PLCB4: variants seen among roughly 807,000 people sequenced by gnomAD.
PLCB4 encodes the protein 1-phosphatidylinositol 4,5-bisphosphate phosphodiesterase beta-4.
PLCB4 carries 77 observed loss-of-function variants against 178.8 expected under a neutral mutation model. The observed-to-expected ratio is 0.43, with a 90% CI of 0.36 to 0.52. The LOEUF (loss-of-function observed/expected upper bound fraction) is 0.52, where lower values mean the gene tolerates loss of function less well. Ranked by LOEUF, PLCB4 falls within the 20% of genes least tolerant of loss-of-function variation. The pLI, the probability that PLCB4 is intolerant of heterozygous loss-of-function variation, is 0.00. For missense variants in PLCB4, 1,024 were observed against 1,453.4 expected, an observed-to-expected ratio of 0.70 and a Z score of 4.80; for synonymous variants, 496 against 490.8, an observed-to-expected ratio of 1.01 and a Z score of -0.14.
chr20:9,272,539 C>A (rs181051960), intron 3 of PLCB4, among the ~76,000 whole-genome samples: 1 of 152,084 alleles, frequency 6.6e-6, no homozygotes, highest in African/African-American at 2.4e-5. Flanking sequence ...CTCATTCCTC[C>A]TCCACCCTGA....
chr20:9,173,855 T>G (rs1490039746), intron 2 of PLCB4, among the ~76,000 whole-genome samples: 1 of 152,138 alleles, frequency 6.6e-6, no homozygotes, highest in African/African-American at 2.4e-5. Context: ...CCAAATTCAC[T>G]TCCCCACTTC....
chr20:9,388,010 A>G (rs780812365), intron 15 of PLCB4, among the ~76,000 whole-genome samples: 6 of 152,174 alleles, frequency 3.9e-5, no homozygotes, highest in Non-Finnish European at 8.8e-5. Flanking sequence ...AAGCCGAGGC[A>G]GGGAGATCAC....
chr20:9,410,317 C>T (rs1246343398), intron 24 of PLCB4, among the ~76,000 whole-genome samples: 4 of 152,194 alleles, frequency 2.6e-5, no homozygotes, highest in Non-Finnish European at 5.9e-5. Context: ...TAACAAGGCT[C>T]TGATGACTTC....
chr20:9,413,315 T>TA (rs573907103), intron 25 of PLCB4, among the ~76,000 whole-genome samples: 2,661 of 151,740 alleles, frequency 0.018, 38 homozygotes, highest in Non-Finnish European at 0.025. Context: ...TGTTTCTGTA[T>TA]AAAAAAAATC....
chr20:9,379,814 G>C (rs1328657636), intron 12 of PLCB4, among the ~76,000 whole-genome samples: 1 of 151,978 alleles, frequency 6.6e-6, no homozygotes, highest in Non-Finnish European at 1.5e-5. Context: ...CTTTTGAAGG[G>C]GAAAAAATGT....
chr20:9,447,165 T>C (rs1054957352), intron 32 of PLCB4, among the ~76,000 whole-genome samples: 13 of 152,220 alleles, frequency 8.5e-5, no homozygotes, highest in Non-Finnish European at 1.3e-4. Context: ...TATAATTATA[T>C]GAGTTTTGTA....
At chr20:9,235,866 G>C (rs1363871638) in intron 3 of PLCB4, among the ~76,000 whole-genome samples, 1 of 152,192 alleles carries the variant, frequency 6.6e-6, no homozygotes. Flanking sequence ...TTCCGGTTTA[G>C]CTCAGCAGGA....
intron 3 of PLCB4, among the ~76,000 whole-genome samples, chr20:9,221,536 C>T (rs991524414): frequency 1.6e-4 from 25 of 152,310 alleles, no homozygotes; most frequent in African/African-American, 5.8e-4. Flanking sequence ...CTCCTTGCCT[C>T]ACTCCTGCGG....
chr20:9,432,019 A>G (rs561526076), intron 28 of PLCB4, among the ~76,000 whole-genome samples: 9 of 152,348 alleles, frequency 5.9e-5, no homozygotes, highest in African/African-American at 2.2e-4. Flanking sequence ...TTTTTATAGA[A>G]AAGTTGAAAG....
intron 3 of PLCB4, among the ~76,000 whole-genome samples, chr20:9,258,921 G>A (rs2094267744): frequency 6.6e-6 from 1 of 151,998 alleles, no homozygotes; most frequent in East Asian, 1.9e-4. Context: ...AAGAATTAAT[G>A]CAGTGTAAGC....
At chr20:9,185,658 C>G (rs563020984) in intron 2 of PLCB4, among the ~76,000 whole-genome samples, 2 of 152,124 alleles carry the variant, frequency 1.3e-5, no homozygotes. Flanking sequence ...CATCTGACTC[C>G]GAGTAAAAGC....
intron 7 of PLCB4, among the ~76,000 whole-genome samples, chr20:9,346,676 G>C (rs1015934058): frequency 1.3e-5 from 2 of 152,218 alleles, no homozygotes; most frequent in African/African-American, 4.8e-5. Flanking sequence ...AAATCAATGA[G>C]GGGGGGCATT....
At chr20:9,126,640 C>T (rs908033485) in intron 2 of PLCB4, among the ~76,000 whole-genome samples, 14 of 152,050 alleles carry the variant, frequency 9.2e-5, no homozygotes, top group African/African-American at 3.4e-4. Flanking sequence ...ATTGCACAAG[C>T]TAACAAAGTC....
chr20:9,447,471 G>A (rs1056618519), intron 32 of PLCB4, among the ~76,000 whole-genome samples: 2 of 152,172 alleles, frequency 1.3e-5, no homozygotes, highest in African/African-American at 4.8e-5. Context: ...GGTCCTGAGA[G>A]ACCAAGCAGA....
At chr20:9,349,833 A>G (rs917262943) in intron 7 of PLCB4, among the ~76,000 whole-genome samples, 1 of 152,228 alleles carries the variant, frequency 6.6e-6, no homozygotes, top group Admixed American at 6.5e-5. Context: ...TTTTCCACAT[A>G]GCCCCAGTTT....
chr20:9,366,758 A>G (rs1181855782), intron 9 of PLCB4, among the ~76,000 whole-genome samples: 4 of 152,230 alleles, frequency 2.6e-5, no homozygotes, highest in Admixed American at 2.6e-4. Context: ...CGTGAACCTA[A>G]GCCCACAACC....
At chr20:9,478,898 AG>A in intron 39 of PLCB4, 22 bp from the exon 40 acceptor site, 1 of 1,586,660 alleles carries the variant, frequency 6.3e-7, no homozygotes, top group Non-Finnish European at 8.7e-7. Context: ...AACACACGTA[AG>A]GCCATGTTTC....
chr20:9,205,070 G>A (rs2093600148), intron 2 of PLCB4, among the ~76,000 whole-genome samples: 1 of 152,156 alleles, frequency 6.6e-6, no homozygotes, highest in South Asian at 2.1e-4. Context: ...TGCAAAAATG[G>A]TAACACATCC....
At chr20:9,410,668 C>T (rs2148511635) in intron 24 of PLCB4, among the ~76,000 whole-genome samples, 1 of 152,258 alleles carries the variant, frequency 6.6e-6, no homozygotes, top group South Asian at 2.1e-4. Context: ...CATATTCACC[C>T]TCCCGGGTAT....
Sources: allele counts gnomAD v4.1 joint callset (sites outside exome capture counted in the v4.1 genomes callset), GRCh38; gene constraint gnomAD v4.1.1; transcripts MANE v1.5; gene names NCBI Gene and HGNC (gene_info 2026-07-23, HGNC 2026-07-21).